FAM107A: variants seen among roughly 807,000 people sequenced by gnomAD.
FAM107A encodes the protein actin-associated protein FAM107A.
Under a neutral mutation model 13.7 loss-of-function variants are expected in FAM107A, and 19 were observed. The ratio of observed to expected loss-of-function variants is 1.38; its 90% CI spans 0.97 to 2.03. The LOEUF is 2.03. FAM107A is among the 30% of genes most tolerant of loss of function. FAM107A has a pLI of 0.00. For missense variants in FAM107A, 203 were observed against 184.4 expected, an observed-to-expected ratio of 1.10 and a Z score of -0.58; for synonymous variants, 82 against 74.5, an observed-to-expected ratio of 1.10 and a Z score of -0.52.
At chr3:58,576,767 C>G (rs1350626271) in intron 1 of FAM107A, among the ~76,000 whole-genome samples, 1 of 152,242 alleles carries the variant, frequency 6.6e-6, no homozygotes, top group Non-Finnish European at 1.5e-5. Flanking sequence ...AAGCACCTAG[C>G]AGCCATATCT....
upstream of FAM107A, among the ~76,000 whole-genome samples, chr3:58,580,588 A>AT (rs1481541980): frequency 2.6e-5 from 4 of 151,088 alleles, no homozygotes; most frequent in East Asian, 1.9e-4. Flanking sequence ...CTAATTTTTT[A>AT]TTTTTTTTAG....
intron 1 of FAM107A, among the ~76,000 whole-genome samples, chr3:58,605,502 G>T (rs141276745): frequency 8.5e-5 from 13 of 152,320 alleles, no homozygotes; most frequent in African/African-American, 3.1e-4. Flanking sequence ...GGGCTCCATC[G>T]TCCTGTGCCA....
chr3:58,627,058 C>G (rs1291728534), intron 1 of FAM107A: 15 of 1,508,066 alleles, frequency 9.9e-6, no homozygotes, highest in South Asian at 9.6e-5. Context: ...TCCCTGCTGG[C>G]GTTGATCTCA....
At chr3:58,592,005 G>A (rs1023781025), upstream of FAM107A, among the ~76,000 whole-genome samples, 1 of 152,206 alleles carries the variant, frequency 6.6e-6, no homozygotes, top group Non-Finnish European at 1.5e-5. Context: ...GCTGTGGCCT[G>A]CTCAGGGATG....
intron 1 of FAM107A, among the ~76,000 whole-genome samples, chr3:58,626,175 C>T (rs2066014245): frequency 6.6e-6 from 1 of 151,148 alleles, no homozygotes; most frequent in African/African-American, 2.4e-5. Context: ...TAGGACAATC[C>T]CGAGAGCTGG....
chr3:58,584,924 C>G (rs1179047371), intron 1 of FAM107A, among the ~76,000 whole-genome samples: 2 of 152,228 alleles, frequency 1.3e-5, no homozygotes, highest in Non-Finnish European at 2.9e-5. Flanking sequence ...TTCAATACAT[C>G]TTTGCTTTTG....
At chr3:58,573,267 G>T (rs560282912) in intron 1 of FAM107A, among the ~76,000 whole-genome samples, 2 of 152,334 alleles carry the variant, frequency 1.3e-5, no homozygotes, top group African/African-American at 4.8e-5. Context: ...GGTGAGGAGG[G>T]TTGCTGGGGA....
chr3:58,624,914 C>T (rs1227129780), intron 1 of FAM107A, among the ~76,000 whole-genome samples: 2 of 152,174 alleles, frequency 1.3e-5, no homozygotes, highest in East Asian at 1.9e-4. Flanking sequence ...GTCTCCTCAC[C>T]CTTGGCTCCA....
Position 58,566,616 on chromosome 3 carries a change from G to A in FAM107A, c.407C>T (p.Thr136Ile), listed in dbSNP as rs750198295. The A allele has an allele frequency of 8.7e-6, 14 of 1,613,882 alleles. No homozygotes were observed. The highest frequency in any genetic ancestry group is 7.6e-6 in the Non-Finnish European group (9 of 1,179,880). ...KVRENLRRIA[T>I]LTSEEREL Reference sequence around the variant, plus strand: ...CAGCTCTCTCTCTTCGCTGGTCAGTGTGGCAATTCTCCGCAGGTTTTCCCT... The same window carrying A: ...CAGCTCTCTCTCTTCGCTGGTCAGTATGGCAATTCTCCGCAGGTTTTCCCT... Residue 136 changes from threonine to isoleucine, a missense_variant, in exon 4 of 4, where the codon ACA becomes ATA. Thr to Ile is a moderately conservative substitution (Grantham distance 89). Transcript: ENST00000360997.
chr3:58,580,226 T>TC (rs556868524), upstream of FAM107A, among the ~76,000 whole-genome samples: 114 of 152,190 alleles, frequency 7.5e-4, no homozygotes, highest in African/African-American at 2.6e-3. Context: ...GATCTCTTTT[T>TC]TTTTTCAAGA....
At chr3:58,586,891 T>C in exon 1 of FAM107A, 1 of 1,533,218 alleles carries the variant, frequency 6.5e-7, no homozygotes, top group African/African-American at 1.4e-5. Flanking sequence ...TAGAGCCCGG[T>C]GGCATCGGAG....
At chr3:58,578,788 A>G (rs761864141), upstream of FAM107A, among the ~76,000 whole-genome samples, 2 of 152,172 alleles carry the variant, frequency 1.3e-5, no homozygotes, top group Non-Finnish European at 2.9e-5. Context: ...CTCCACCCCA[A>G]CTTTACTTTC....
At chr3:58,571,833 C>G (rs955528095) in intron 1 of FAM107A, among the ~76,000 whole-genome samples, 2 of 152,208 alleles carry the variant, frequency 1.3e-5, no homozygotes, top group African/African-American at 4.8e-5. Flanking sequence ...TTTGGCTCCC[C>G]AGCTATTCAC....
intron 1 of FAM107A, among the ~76,000 whole-genome samples, chr3:58,586,337 A>C (rs1272760254): frequency 6.6e-6 from 1 of 152,236 alleles, no homozygotes; most frequent in Non-Finnish European, 1.5e-5. Flanking sequence ...TCTCACACAT[A>C]GGAAGAAAGC....
intron 1 of FAM107A, among the ~76,000 whole-genome samples, chr3:58,594,376 G>A (rs2065681155): frequency 6.6e-6 from 1 of 152,050 alleles, no homozygotes; most frequent in Non-Finnish European, 1.5e-5. Flanking sequence ...CATACACCAT[G>A]AAAATCAAAC....
rs974935701 is a variant in FAM107A at position 58,617,394 on chromosome 3, C to T, written c.-70+10022G>A. Among the ~76,000 whole-genome samples the T allele has an allele frequency of 1.2e-4, 19 of 152,234 alleles. No homozygotes were observed. Among genetic ancestry groups the T allele is most frequent in the African/African-American group, 4.6e-4 (19 of 41,560 alleles). ...ATCATCCCTATGGGACACCTCAGGC[C>T]CCGTCCTGAGCTTCCTGAGGAGCCG... On this transcript the variant is annotated intron_variant, in intron 1 of 3. Coordinates refer to the FAM107A transcript ENST00000465970. The surrounding 1 kb of genome is among the most constrained non-coding windows in gnomAD (Gnocchi z 4.5).
chr3:58,615,031 C>A (rs2065888652), intron 1 of FAM107A, among the ~76,000 whole-genome samples: 1 of 152,128 alleles, frequency 6.6e-6, no homozygotes, highest in Non-Finnish European at 1.5e-5. Flanking sequence ...GTTTTGAGCT[C>A]CTGACCTCAA....
chr3:58,620,600 G>A (rs1005131339), intron 1 of FAM107A, among the ~76,000 whole-genome samples: 14 of 152,218 alleles, frequency 9.2e-5, no homozygotes, highest in African/African-American at 2.7e-4. Context: ...TGGAAGAGGC[G>A]GTTCCAGGGC....
At chr3:58,609,704 T>C (rs1559485582) in intron 1 of FAM107A, among the ~76,000 whole-genome samples, 1 of 152,114 alleles carries the variant, frequency 6.6e-6, no homozygotes, top group Non-Finnish European at 1.5e-5. Flanking sequence ...CAGAGCCACC[T>C]AGGGGGTCGT....
Sources: allele counts gnomAD v4.1 joint callset (sites outside exome capture counted in the v4.1 genomes callset), GRCh38; gene constraint gnomAD v4.1.1; non-coding constraint Gnocchi (gnomAD v3.1); transcripts MANE v1.5; gene names NCBI Gene and HGNC (gene_info 2026-07-23, HGNC 2026-07-21).